The following SMAD3 variants were observed in gnomAD, a reference collection of about 807,000 sequenced individuals.
SMAD3 encodes MAD homolog 3.
SMAD3 carries 12 observed loss-of-function variants against 51.8 expected under a neutral mutation model. That is an observed-to-expected ratio of 0.23 (90% confidence interval 0.15 to 0.38). The LOEUF is 0.38. SMAD3 is among the 10% of genes least tolerant of loss of function. The pLI is 1.00. For missense variants in SMAD3, 294 were observed against 565.6 expected (o/e 0.52, Z 4.87); for synonymous variants, 238 against 227.7 (o/e 1.05, Z -0.41).
intron 1 of SMAD3, among the ~76,000 whole-genome samples, chr15:67,158,013 A>C (rs1962329825): frequency 6.6e-6 from 1 of 152,090 alleles, no homozygotes; most frequent in Admixed American, 6.6e-5. Flanking sequence ...ATAAATGGGG[A>C]GGAGGCCCAA....
intron 1 of SMAD3, among the ~76,000 whole-genome samples, chr15:67,137,391 C>T (rs143379635): frequency 6.6e-6 from 1 of 152,322 alleles, no homozygotes; most frequent in African/African-American, 2.4e-5. Context: ...ATTAGGATCA[C>T]TACCTTCCCA....
intron 1 of SMAD3, among the ~76,000 whole-genome samples, chr15:67,077,169 A>G (rs868247520): frequency 6.6e-6 from 1 of 152,300 alleles, no homozygotes; most frequent in Middle Eastern, 3.4e-3. Flanking sequence ...TAAATACTAC[A>G]TATGGTGTGT....
chr15:67,145,591 G>A (rs776726127), intron 1 of SMAD3, among the ~76,000 whole-genome samples: 16 of 152,188 alleles, frequency 1.1e-4, no homozygotes, highest in Non-Finnish European at 1.5e-4. Context: ...TCATTGGGCA[G>A]GATTTTCTGG....
intron 1 of SMAD3, among the ~76,000 whole-genome samples, chr15:67,155,050 C>A (rs1007476331): frequency 1.3e-5 from 2 of 152,190 alleles, no homozygotes; most frequent in African/African-American, 4.8e-5. Context: ...TGACCTTGAA[C>A]AAGGATCTTA....
chr15:67,157,585 G>T (rs1962317486), intron 1 of SMAD3, among the ~76,000 whole-genome samples: 1 of 152,244 alleles, frequency 6.6e-6, no homozygotes, highest in African/African-American at 2.4e-5. Flanking sequence ...CATGTTTCTG[G>T]AACTTATGTG....
At position 67,164,916 on chromosome 15, in the gene SMAD3, G is replaced by A. The variant is rs886041046; in HGVS notation, c.228G>A (p.Gln76=). 3 of 1,613,238 alleles carry A rather than the reference G, an allele frequency of 1.9e-6. No homozygotes were observed. The highest frequency in any genetic ancestry group is 2.5e-6 in the Non-Finnish European group (3 of 1,180,042). Residue 76 remains glutamine, a synonymous_variant, in exon 2 of 9, where the codon CAG becomes CAA. Coordinates refer to ENST00000327367, the MANE Select transcript of SMAD3 (RefSeq NM_005902.4). The part of the protein sequence containing the change: ...TIPRSLDGRL[Q]VSHRKGLPHV... ...GCAGGTCCCTGGATGGCCGGTTGCA[G>A]GTGTCCCATCGGAAGGGGCTCCCTC... is the stretch of plus-strand genomic sequence containing the variant.
rs1481964508 is a variant in SMAD3 at position 67,190,641 on chromosome 15, A to G, written c.*105A>G. ...ACCCATTGTTGTCAAGGAAGAAGAA[A>G]TCTTTCTCCCTCAACTGAAGGGGTG... On this transcript the variant is annotated 3_prime_UTR_variant, in exon 9 of 9. Transcript: ENST00000327367. The G allele has an allele frequency of 3.9e-6, 5 of 1,277,346 alleles. No homozygotes were observed. Among genetic ancestry groups the G allele is most frequent in the South Asian group, 3.8e-5 (3 of 79,486 alleles). 79.1% of individuals were successfully genotyped at this position (1,277,346 alleles called of 1,614,324 possible). A position where few individuals can be genotyped will look rare whatever the true frequency, so the allele number is the denominator to read the frequency against.
At chr15:67,091,058 CTTTTGA>C (rs1462544089) in intron 1 of SMAD3, among the ~76,000 whole-genome samples, 1 of 152,172 alleles carries the variant, frequency 6.6e-6, no homozygotes, top group East Asian at 1.9e-4. Flanking sequence ...GAGTCTGTTT[CTTTTGA>C]TTTTAATTGT....
intron 1 of SMAD3, among the ~76,000 whole-genome samples, chr15:67,163,757 A>G (rs1962493460): frequency 6.6e-6 from 1 of 152,010 alleles, no homozygotes; most frequent in Non-Finnish European, 1.5e-5. Context: ...CATAGAAGAC[A>G]TGGTTCACAC....
chr15:67,098,628 A>T, intron 1 of SMAD3: 1 of 519,184 alleles, frequency 1.9e-6, no homozygotes, highest in Admixed American at 3.1e-5. Context: ...AGATCTGCTT[A>T]TTTCGAGGGT....
intron 5 of SMAD3, among the ~76,000 whole-genome samples, chr15:67,172,263 C>T (rs1782299325): frequency 6.6e-6 from 1 of 152,270 alleles, no homozygotes; most frequent in African/African-American, 2.4e-5. Context: ...TAGGTTATTT[C>T]TTCCAAAGGG....
At chr15:67,112,166 T>TTTTTTTTTTTTTA (rs56777498) in intron 1 of SMAD3, among the ~76,000 whole-genome samples, 11 of 141,776 alleles carry the variant, frequency 7.8e-5, no homozygotes, top group African/African-American at 2.6e-4. Flanking sequence ...TTTTTTTTTT[T>TTTTTTTTTTTTTA]GAGACAGAGT....
chr15:67,194,128 C>A lies in SMAD3; in HGVS notation c.*3592C>A, dbSNP rs971827185. On this transcript the variant is annotated 3_prime_UTR_variant, in exon 9 of 9. Coordinates refer to ENST00000327367, the MANE Select transcript of SMAD3 (RefSeq NM_005902.4). ...CCCTGTTTCTTACTGTGTGACTTGGCTAGAGTTGGGAGTTCCCCCAAAATA... is the reference window on the plus strand; with the variant it reads ...CCCTGTTTCTTACTGTGTGACTTGGATAGAGTTGGGAGTTCCCCCAAAATA... 5.6e-5 allele frequency: 13 copies of A among 233,370 alleles called. No homozygotes were observed. The highest frequency in any genetic ancestry group is 1.0e-4 in the Non-Finnish European group (12 of 118,110). The allele number at this position is 233,370 out of a possible 1,614,324, so 14.5% of individuals were successfully genotyped here.
rs2140294134 is a variant in SMAD3, at chr15:67,165,028, A to G, written c.340A>G (p.Asn114Asp). The G allele has an allele frequency of 1.2e-6, 2 of 1,614,190 alleles. No individual in the cohort carries two copies. Among genetic ancestry groups the G allele is most frequent in the South Asian group, 2.2e-5 (2 of 91,082 alleles). The change falls in exon 2 of 9, where the codon AAT becomes GAT. Residue 114 changes from asparagine (N) to aspartate (D), a missense_variant. This residue lies in a region of SMAD3 where 147 missense variants were observed against 260.9 expected (regional missense o/e 0.56). Coordinates refer to ENST00000327367, the MANE Select transcript of SMAD3 (RefSeq NM_005902.4). ...CATGGAGCTGTGTGAGTTCGCCTTC[A>G]ATATGAAGAAGGACGAGGTCTGCGT... is the stretch of plus-strand genomic sequence containing the variant. ...RAMELCEFAF[N>D]MKKDEVCVNP...
chr15:67,127,053 G>T (rs558634766), intron 1 of SMAD3, among the ~76,000 whole-genome samples: 1 of 152,246 alleles, frequency 6.6e-6, no homozygotes, highest in Non-Finnish European at 1.5e-5. Flanking sequence ...CATCAAATGG[G>T]ATCCATTTAG....
At chr15:67,079,681 G>T (rs185715227) in intron 1 of SMAD3, among the ~76,000 whole-genome samples, 28 of 152,180 alleles carry the variant, frequency 1.8e-4, no homozygotes, top group South Asian at 6.2e-4. Flanking sequence ...CAGTACTCTG[G>T]GTACTTATGT....
chr15:67,116,509 A>T (rs540268350), intron 1 of SMAD3, among the ~76,000 whole-genome samples: 1 of 152,284 alleles, frequency 6.6e-6, no homozygotes, highest in African/African-American at 2.4e-5. Context: ...TTGTCTCAAT[A>T]ATGACTGACG....
chr15:67,085,423 C>G (rs768009074), intron 1 of SMAD3, among the ~76,000 whole-genome samples: 2 of 152,168 alleles, frequency 1.3e-5, no homozygotes, highest in Non-Finnish European at 2.9e-5. Flanking sequence ...CTTAAAAACT[C>G]TGATTCCTGC....
intron 1 of SMAD3, among the ~76,000 whole-genome samples, chr15:67,145,509 T>C (rs1411238370): frequency 6.6e-6 from 1 of 152,244 alleles, no homozygotes; most frequent in East Asian, 1.9e-4. Flanking sequence ...TCTGACATCT[T>C]ACAGTGTCCT....
Sources: gnomAD v4.1 joint callset for allele counts (sites outside exome capture counted in the v4.1 genomes callset) on GRCh38, gnomAD v4.1.1 for gene constraint, gnomAD v4.1.1 regional missense constraint, MANE v1.5 for transcripts, NCBI Gene and HGNC (gene_info 2026-07-23, HGNC 2026-07-21) for gene names.